Variants in ABLIM1 observed in about 807,000 individuals in gnomAD.
ABLIM1 encodes the protein actin binding LIM protein 1.
ABLIM1 carries 40 observed loss-of-function variants against 107.0 expected under a neutral mutation model. The observed-to-expected ratio is 0.37, with a 90% confidence interval of 0.29 to 0.49. The LOEUF is 0.49. Ranked by LOEUF, ABLIM1 falls within the 20% of genes least tolerant of loss-of-function variation. The pLI is 0.97. For synonymous variants in ABLIM1, 357 were observed against 357.3 expected (o/e 1.00, Z 0.01); for missense variants, 857 against 1,008.5 (o/e 0.85, Z 2.04).
At chr10:114,748,011 G>A (rs1285752243) in intron 1 of ABLIM1, among the ~76,000 whole-genome samples, 1 of 152,158 alleles carries the variant, frequency 6.6e-6, no homozygotes, top group Non-Finnish European at 1.5e-5. Flanking sequence ...TCGCACTCCA[G>A]CCTGGGTGAT....
chr10:114,507,671 G>A (rs2135872715), intron 6 of ABLIM1, among the ~76,000 whole-genome samples: 2 of 152,350 alleles, frequency 1.3e-5, no homozygotes, highest in African/African-American at 4.8e-5. Context: ...TCAGGTGACA[G>A]GAGGGCCTGT....
chr10:114,578,126 C>G (rs781746008), intron 2 of ABLIM1, among the ~76,000 whole-genome samples: 2 of 152,140 alleles, frequency 1.3e-5, no homozygotes, highest in Non-Finnish European at 2.9e-5. Flanking sequence ...CTCATTCACT[C>G]TCACAACCTC....
At chr10:114,451,514 C>T in intron 14 of ABLIM1, 110 bp downstream of exon 14, 1 of 991,460 alleles carries the variant, frequency 1.0e-6, no homozygotes, top group South Asian at 1.3e-5. Context: ...TGCTGGATGC[C>T]CCAGTTTTAC....
chr10:114,443,671 CTAA>C (rs2060550070), intron 17 of ABLIM1, among the ~76,000 whole-genome samples: 1 of 66,848 alleles, frequency 1.5e-5, no homozygotes, highest in African/African-American at 7.2e-5. Context: ...TTCATGTTAT[CTAA>C]AAAAAAAAAA....
chr10:114,621,858 G>A (rs942177291), intron 1 of ABLIM1, among the ~76,000 whole-genome samples: 1 of 152,236 alleles, frequency 6.6e-6, no homozygotes, highest in Admixed American at 6.5e-5. Flanking sequence ...CTTCGCTATG[G>A]CTCATTGCTA....
intron 1 of ABLIM1, among the ~76,000 whole-genome samples, chr10:114,628,390 G>T (rs1202921895): frequency 6.6e-6 from 1 of 152,236 alleles, no homozygotes; most frequent in African/African-American, 2.4e-5. Context: ...GCACAAGACA[G>T]AATCACGAAG....
At chr10:114,782,973 TG>T in the ABLIM1 span, among the ~76,000 whole-genome samples, 1 of 151,848 alleles carries the variant, frequency 6.6e-6, no homozygotes, top group Non-Finnish European at 1.5e-5. Context: ...GATGCTGGGA[TG>T]GGGAAGATAA....
At chr10:114,758,457 C>T (rs2082677352) in intron 1 of ABLIM1, among the ~76,000 whole-genome samples, 2 of 152,140 alleles carry the variant, frequency 1.3e-5, no homozygotes, top group Admixed American at 1.3e-4. Context: ...TTGTTTTACA[C>T]CAGAACAACA....
intron 6 of ABLIM1, among the ~76,000 whole-genome samples, chr10:114,518,840 A>G (rs562063206): frequency 5.5e-4 from 83 of 152,168 alleles, no homozygotes; most frequent in African/African-American, 2.0e-3. Flanking sequence ...AACTTTTAGA[A>G]GTTGTCTGCT....
chr10:114,724,188 GAAAA>G (rs2081909779), intron 1 of ABLIM1, among the ~76,000 whole-genome samples: 4 of 152,160 alleles, frequency 2.6e-5, no homozygotes, highest in Admixed American at 2.0e-4. Flanking sequence ...TTGTGCAACA[GAAAA>G]AGCCTGTAAC....
chr10:114,729,428 C>G (rs2082028083), intron 1 of ABLIM1, among the ~76,000 whole-genome samples: 1 of 152,038 alleles, frequency 6.6e-6, no homozygotes, highest in Non-Finnish European at 1.5e-5. Flanking sequence ...ATGACCAGAG[C>G]TAATTATCTC....
chr10:114,469,623 T>C (rs1406268114), intron 10 of ABLIM1, among the ~76,000 whole-genome samples: 1 of 152,208 alleles, frequency 6.6e-6, no homozygotes, highest in Non-Finnish European at 1.5e-5. Context: ...TCATTTCTCC[T>C]CAGAGCCCTA....
At chr10:114,729,687 G>GA (rs964343125) in intron 1 of ABLIM1, among the ~76,000 whole-genome samples, 10 of 152,070 alleles carry the variant, frequency 6.6e-5, no homozygotes, top group African/African-American at 2.4e-4. Flanking sequence ...GAGAAATAGG[G>GA]AAAAGGCAAT....
chr10:114,530,317 A>G (rs1310734178), intron 6 of ABLIM1, among the ~76,000 whole-genome samples: 1 of 152,164 alleles, frequency 6.6e-6, no homozygotes, highest in African/African-American at 2.4e-5. Flanking sequence ...AGTCCAGAGA[A>G]GTTAAGAGAC....
At chr10:114,750,538 A>T (rs1244963026) in intron 1 of ABLIM1, among the ~76,000 whole-genome samples, 1 of 152,202 alleles carries the variant, frequency 6.6e-6, no homozygotes, top group African/African-American at 2.4e-5. Flanking sequence ...CCATAGCTCT[A>T]TTTGTCAATG....
At chr10:114,741,216 C>CCT (rs2082280480) in intron 1 of ABLIM1, among the ~76,000 whole-genome samples, 6 of 59,876 alleles carry the variant, frequency 1.0e-4, no homozygotes, top group Admixed American at 6.0e-4. Context: ...GACTATTCTT[C>CCT]TTTTTTTTTT....
At chr10:114,798,931 G>A in the ABLIM1 span, among the ~76,000 whole-genome samples, 18 of 152,042 alleles carry the variant, frequency 1.2e-4, no homozygotes, top group African/African-American at 4.3e-4. Context: ...AAGTAGCTGG[G>A]ACTACAGGTG....
chr10:114,672,404 T>C (rs189190930), intron 1 of ABLIM1, among the ~76,000 whole-genome samples: 71 of 152,246 alleles, frequency 4.7e-4, no homozygotes, highest in African/African-American at 1.6e-3. Flanking sequence ...TTTTACCATG[T>C]TGGCCAGAGT....
At position 114,544,882 on chromosome 10, in the gene ABLIM1, C is replaced by T. The variant is rs2067122004; in HGVS notation, c.894+123G>A. On this transcript the variant is annotated intron_variant, in intron 6 of 22. Coordinates refer to ENST00000533213, the MANE Select transcript of ABLIM1 (RefSeq NM_002313.7). ...AATTCTTGAAAATAGTCACCTGCGA[C>T]TACTTTCTTTCTCCACAGGTGAAAA... 9.2e-6 allele frequency: 8 copies of T among 870,864 alleles called. No individual in the cohort carries two copies. The South Asian group carries it at 1.1e-4, about 12-fold the overall frequency. 53.9% of individuals were successfully genotyped at this position (870,864 alleles called of 1,614,324 possible).
Sources: gnomAD v4.1 joint callset for allele counts (sites outside exome capture counted in the v4.1 genomes callset) on GRCh38, gnomAD v4.1.1 for gene constraint, MANE v1.5 for transcripts, NCBI Gene and HGNC (gene_info 2026-07-23, HGNC 2026-07-21) for gene names.